Variants in WWOX observed in about 807,000 individuals in gnomAD.
WWOX encodes WW domain containing oxidoreductase.
WWOX carries 69 observed loss-of-function variants against 46.2 expected under a neutral mutation model. That is an observed-to-expected ratio of 1.49 (90% confidence interval 1.23 to 1.82). The LOEUF (loss-of-function observed/expected upper bound fraction) is 1.82. Among genes scored for constraint, WWOX ranks in the 40% most tolerant of loss-of-function variants. WWOX has a pLI of 0.00. For missense variants in WWOX, 919 were observed against 542.6 expected, an observed-to-expected ratio of 1.69 and a Z score of -6.89; for synonymous variants, 359 against 202.6, an observed-to-expected ratio of 1.77 and a Z score of -6.56.
chr16:78,793,879 C>T (rs918425380), intron 8 of WWOX, among the ~76,000 whole-genome samples: 1 of 151,746 alleles, frequency 6.6e-6, no homozygotes, highest in African/African-American at 2.4e-5. Flanking sequence ...AGTTCAAGAC[C>T]TCCTCATCTC....
chr16:78,603,104 C>A (rs551521669), intron 8 of WWOX, among the ~76,000 whole-genome samples: 1 of 152,250 alleles, frequency 6.6e-6, no homozygotes, highest in South Asian at 2.1e-4. Context: ...TTTATTTTTC[C>A]TTCTTGCGTT....
intron 5 of WWOX, among the ~76,000 whole-genome samples, chr16:78,261,672 C>G (rs2079236019): frequency 6.7e-6 from 1 of 149,444 alleles, no homozygotes. Context: ...TCTCAGATCT[C>G]AGCTTGAGGC....
At chr16:78,547,377 G>A (rs1431641485) in intron 8 of WWOX, among the ~76,000 whole-genome samples, 1 of 152,062 alleles carries the variant, frequency 6.6e-6, no homozygotes, top group African/African-American at 2.4e-5. Context: ...TGTATCTAAG[G>A]TCACATAGCT....
chr16:78,330,509 G>A (rs1162728702), intron 5 of WWOX, among the ~76,000 whole-genome samples: 1 of 151,898 alleles, frequency 6.6e-6, no homozygotes, highest in Admixed American at 6.5e-5. Flanking sequence ...CAATTCTCCT[G>A]CCTCAGCCTC....
chr16:78,386,095 G>A (rs141595842), intron 5 of WWOX, among the ~76,000 whole-genome samples: 138 of 152,270 alleles, frequency 9.1e-4, no homozygotes, highest in Middle Eastern at 3.4e-3. Flanking sequence ...ATCAGTGACT[G>A]GGGTCAGTTC....
At chr16:78,874,881 G>T (rs1305164221) in intron 8 of WWOX, among the ~76,000 whole-genome samples, 1 of 151,972 alleles carries the variant, frequency 6.6e-6, no homozygotes, top group East Asian at 1.9e-4. Context: ...TGATCCCTCA[G>T]ATAGGCCCAA....
Position 78,488,974 on chromosome 16 carries a change from A to G in WWOX, c.1056+56222A>G, listed in dbSNP as rs559355155. ...ACTAGGCTGCCTTGTTGCCTCCTGC[A>G]TGTAGAACACAGAACTTCGCAGTCT... is the stretch of plus-strand genomic sequence containing the variant. On this transcript the variant is annotated intron_variant, in intron 8 of 8. Transcript: ENST00000566780. Among the ~76,000 whole-genome samples the G allele has an allele frequency of 7.2e-5, 11 of 152,278 alleles. No homozygotes were observed. The South Asian group carries it at 1.9e-3, about 26-fold the overall frequency.
intron 4 of WWOX, among the ~76,000 whole-genome samples, chr16:78,118,691 C>T (rs373431625): frequency 6.6e-6 from 1 of 152,124 alleles, no homozygotes; most frequent in Non-Finnish European, 1.5e-5. Flanking sequence ...TGGCCTTTCC[C>T]AGAAAAAAGT....
chr16:79,076,663 A>G (rs1198070685), intron 8 of WWOX, among the ~76,000 whole-genome samples: 2 of 152,180 alleles, frequency 1.3e-5, no homozygotes, highest in African/African-American at 2.4e-5. Context: ...GAAGACCACA[A>G]ACTTGAGAGT....
At chr16:78,937,421 C>T (rs936085381) in intron 8 of WWOX, among the ~76,000 whole-genome samples, 6 of 138,150 alleles carry the variant, frequency 4.3e-5, no homozygotes, top group African/African-American at 1.7e-4. Context: ...CTAAACATAC[C>T]TTTAGAGAAC....
chr16:78,283,572 TAC>T (rs1314463236), intron 5 of WWOX, among the ~76,000 whole-genome samples: 1 of 152,146 alleles, frequency 6.6e-6, no homozygotes, highest in East Asian at 1.9e-4. Flanking sequence ...TGAAAACGGA[TAC>T]AGTTTTCTTT....
At chr16:79,014,122 C>T (rs1469355362) in intron 8 of WWOX, among the ~76,000 whole-genome samples, 2 of 152,210 alleles carry the variant, frequency 1.3e-5, no homozygotes, top group African/African-American at 4.8e-5. Context: ...TTTGAGCTGG[C>T]AGAGACCAAG....
intron 8 of WWOX, among the ~76,000 whole-genome samples, chr16:78,576,601 G>A (rs2044886516): frequency 6.6e-6 from 1 of 152,158 alleles, no homozygotes; most frequent in Non-Finnish European, 1.5e-5. Context: ...GGATGGCCCA[G>A]GCAGGAGCAT....
chr16:78,423,229 C>G (rs958166349), intron 6 of WWOX, among the ~76,000 whole-genome samples: 6 of 151,944 alleles, frequency 3.9e-5, no homozygotes, highest in Admixed American at 1.3e-4. Context: ...CTTTCTTTCT[C>G]TTTCTCTGTT....
At chr16:79,002,704 A>G (rs578101372) in intron 8 of WWOX, among the ~76,000 whole-genome samples, 8 of 152,146 alleles carry the variant, frequency 5.3e-5, no homozygotes, top group African/African-American at 1.9e-4. Flanking sequence ...GACTGTGCCT[A>G]TTCCCATTTC....
intron 8 of WWOX, among the ~76,000 whole-genome samples, chr16:78,659,385 G>A (rs915680610): frequency 1.3e-5 from 2 of 152,048 alleles, no homozygotes; most frequent in African/African-American, 4.8e-5. Context: ...GGTCATCTGG[G>A]AACTTGTTAG....
At chr16:78,598,751 C>G (rs537475398) in intron 8 of WWOX, among the ~76,000 whole-genome samples, 3 of 152,278 alleles carry the variant, frequency 2.0e-5, no homozygotes, top group Non-Finnish European at 4.4e-5. Flanking sequence ...GGAAAGGTCA[C>G]TGGAGGCATT....
rs966905549 is a variant in WWOX, at chr16:78,485,631, A to G, written c.1056+52879A>G. ...ACGCATTTGTTCAGCTCTGTGTTGAAAGAGCACTGCCCGCCGCGTGAAGGA... is the reference window on the plus strand; with the variant it reads ...ACGCATTTGTTCAGCTCTGTGTTGAGAGAGCACTGCCCGCCGCGTGAAGGA... On this transcript the variant is annotated intron_variant, in intron 8 of 8. Coordinates refer to ENST00000566780, the MANE Select transcript of WWOX (RefSeq NM_016373.4). 7.9e-5 allele frequency among the ~76,000 whole-genome samples: 12 copies of G among 152,300 alleles called. No homozygotes were observed. The East Asian group carries it at 2.1e-3, about 27-fold the overall frequency.
intron 8 of WWOX, among the ~76,000 whole-genome samples, chr16:78,619,518 C>T (rs940340235): frequency 6.6e-6 from 1 of 151,814 alleles, no homozygotes; most frequent in Non-Finnish European, 1.5e-5. Context: ...CTCCTATCCC[C>T]TTTCAGCTCC....
Sources: gnomAD v4.1 joint callset for allele counts (sites outside exome capture counted in the v4.1 genomes callset) on GRCh38, gnomAD v4.1.1 for gene constraint, MANE v1.5 for transcripts, NCBI Gene and HGNC (gene_info 2026-07-23, HGNC 2026-07-21) for gene names.